Variants in MAOA observed in about 807,000 individuals in gnomAD.
MAOA encodes amine oxidase [flavin-containing] A.
MAOA carries 6 observed loss-of-function variants against 42.0 expected under a neutral mutation model. The ratio of observed to expected loss-of-function variants is 0.14; its 90% CI spans 0.08 to 0.28. The LOEUF (loss-of-function observed/expected upper bound fraction) is 0.28. Among genes scored for constraint, MAOA ranks in the 10% least tolerant of loss-of-function variants. The pLI, the probability that MAOA is intolerant of heterozygous loss-of-function variation, is 1.00. For synonymous variants in MAOA, 140 were observed against 154.0 expected (o/e 0.91, Z 0.67); for missense variants, 262 against 422.3 (o/e 0.62, Z 3.33).
chrX:43,719,838 G>A (rs979891489), intron 5 of MAOA, among the ~76,000 whole-genome samples: 2 of 109,340 alleles, frequency 1.8e-5, no homozygotes, highest in South Asian at 4.0e-4. Flanking sequence ...GGGAGGAGGC[G>A]GTATCATCCT....
At chrX:43,669,146 C>T (rs947255575) in intron 1 of MAOA, among the ~76,000 whole-genome samples, 1 of 108,330 alleles carries the variant, frequency 9.2e-6, no homozygotes, top group African/African-American at 3.4e-5. Context: ...GCATGGTTCT[C>T]ACAGCTGTAA....
intron 1 of MAOA, among the ~76,000 whole-genome samples, chrX:43,674,037 A>C (rs2033364768): frequency 8.9e-6 from 1 of 112,629 alleles, no homozygotes; most frequent in Non-Finnish European, 1.9e-5. Context: ...TCTAATGTTG[A>C]CAGTGGGGTG....
intron 5 of MAOA, among the ~76,000 whole-genome samples, chrX:43,717,759 A>T (rs140592693): frequency 1.8e-5 from 2 of 110,324 alleles, no homozygotes; most frequent in East Asian, 5.8e-4. Flanking sequence ...GTTATTTTAC[A>T]GGAATGACCC....
At chrX:43,665,121 T>C (rs1488698667) in intron 1 of MAOA, among the ~76,000 whole-genome samples, 1 of 112,203 alleles carries the variant, frequency 8.9e-6, no homozygotes, top group African/African-American at 3.2e-5. Flanking sequence ...GCTCAGCTTG[T>C]GCTCTGGGCA....
rs757141278 is a variant in MAOA, at chrX:43,712,745, A to G, written c.452A>G (p.Lys151Arg). 2 of 1,208,122 alleles carry G rather than the reference A, an allele frequency of 1.7e-6. No homozygotes were observed. The highest frequency in any genetic ancestry group is 1.8e-5 in the African/African-American group (1 of 57,114). Reference sequence around the variant, plus strand: ...CCCTGGGAGGCTCAACATGCTGACAAATGGGACAAAATGACCATGAAAGAG... The same window carrying G: ...CCCTGGGAGGCTCAACATGCTGACAGATGGGACAAAATGACCATGAAAGAG... ...DAPWEAQHADKWDKMTMKELI... is the reference protein window; with the variant it reads ...DAPWEAQHADRWDKMTMKELI... The change falls in exon 5 of 15, where the codon AAA becomes AGA. Residue 151 changes from lysine to arginine, a missense_variant. Physicochemically the swap from Lys to Arg is conservative, Grantham distance 26. This residue lies in a region of MAOA where 141 missense variants were observed against 195.6 expected (regional missense o/e 0.72). Transcript: ENST00000338702.
chrX:43,707,764 A>G (rs1158254226), intron 3 of MAOA, among the ~76,000 whole-genome samples: 2 of 112,184 alleles, frequency 1.8e-5, no homozygotes, highest in Non-Finnish European at 3.8e-5. Context: ...TATAAGCTGT[A>G]CAGGCATGTT....
At chrX:43,718,520 A>T (rs1415267311) in intron 5 of MAOA, among the ~76,000 whole-genome samples, 1 of 108,247 alleles carries the variant, frequency 9.2e-6, no homozygotes, top group Non-Finnish European at 1.9e-5. Context: ...TATCACCCCG[A>T]AATGATCAGA....
intron 12 of MAOA, chrX:43,743,571 T>C (rs2033976461): frequency 4.5e-6 from 2 of 439,894 alleles, no homozygotes; most frequent in Non-Finnish European, 4.0e-6. Context: ...CCTTTAATGA[T>C]TGATGATCTG....
At chrX:43,722,688 T>G (rs2033800791) in intron 5 of MAOA, among the ~76,000 whole-genome samples, 1 of 112,280 alleles carries the variant, frequency 8.9e-6, no homozygotes, top group African/African-American at 3.2e-5. Flanking sequence ...CTCTTTAGTT[T>G]AATTAGATCC....
intron 5 of MAOA, among the ~76,000 whole-genome samples, chrX:43,713,706 C>T (rs1380831507): frequency 9.0e-6 from 1 of 111,539 alleles, no homozygotes; most frequent in East Asian, 2.8e-4. Flanking sequence ...ACCTTGAGCA[C>T]AATTACATAA....
chrX:43,667,541 C>T (rs910805673), intron 1 of MAOA, among the ~76,000 whole-genome samples: 2 of 111,635 alleles, frequency 1.8e-5, no homozygotes, highest in Non-Finnish European at 3.8e-5. Context: ...AGATGCTTCT[C>T]ATGAAGACAG....
intron 2 of MAOA, among the ~76,000 whole-genome samples, chrX:43,688,317 G>A (rs2033504084): frequency 9.0e-6 from 1 of 111,237 alleles, no homozygotes; most frequent in South Asian, 3.8e-4. Context: ...GTCTCACTCT[G>A]TTGCCCAGGC....
chrX:43,663,508 T>C (rs1433328948), intron 1 of MAOA, among the ~76,000 whole-genome samples: 1 of 110,749 alleles, frequency 9.0e-6, no homozygotes, highest in Admixed American at 9.7e-5. Context: ...CTCAGAGGGG[T>C]CCAGGGAATT....
intron 2 of MAOA, among the ~76,000 whole-genome samples, chrX:43,688,897 A>G (rs1158854970): frequency 1.8e-5 from 2 of 111,895 alleles, no homozygotes; most frequent in Non-Finnish European, 3.8e-5. Flanking sequence ...ATCTTTTAGC[A>G]TTATGTAGTG....
intron 14 of MAOA, 88 bp from the exon 15 acceptor site, chrX:43,744,279 C>T: frequency 8.9e-7 from 1 of 1,127,679 alleles, no homozygotes; most frequent in Non-Finnish European, 1.2e-6. Context: ...GCAACTATCC[C>T]AGGGGTCTCC....
intron 6 of MAOA, 56 bp from the exon 7 acceptor site, chrX:43,731,185 A>G: frequency 1.7e-6 from 2 of 1,151,593 alleles, no homozygotes; most frequent in Admixed American, 4.4e-5. Context: ...AGCCAGTAGG[A>G]TTTTCCTTCC....
chrX:43,740,618 C>T (rs2033952708), intron 10 of MAOA, 63 bp from the exon 11 acceptor site: 18 of 974,607 alleles, frequency 1.8e-5, no homozygotes, highest in Non-Finnish European at 2.5e-5. Context: ...TGTATTTATT[C>T]TATACCCATC....
chrX:43,742,391 CAGA>C (rs1279123131), intron 12 of MAOA, among the ~76,000 whole-genome samples: 1 of 112,260 alleles, frequency 8.9e-6, no homozygotes. Flanking sequence ...CCAGTCAACA[CAGA>C]AGGACATTGG....
chrX:43,688,880 C>T (rs1042532778), intron 2 of MAOA, among the ~76,000 whole-genome samples: 3 of 111,453 alleles, frequency 2.7e-5, no homozygotes, highest in Non-Finnish European at 5.6e-5. Flanking sequence ...CTTGGTTAGC[C>T]TTCTGGATCT....
Sources: allele counts gnomAD v4.1 joint callset (sites outside exome capture counted in the v4.1 genomes callset), GRCh38; gene constraint gnomAD v4.1.1; regional missense constraint gnomAD v4.1.1; transcripts MANE v1.5; gene names NCBI Gene and HGNC (gene_info 2026-07-23, HGNC 2026-07-21).